RGS6: variants seen among roughly 807,000 people sequenced by gnomAD.
The protein encoded by RGS6 is regulator of G-protein signaling 6.
A neutral mutation model predicts 78.5 loss-of-function variants in RGS6; 30 were observed. The ratio of observed to expected loss-of-function variants is 0.38; its 90% CI spans 0.29 to 0.52. The LOEUF (loss-of-function observed/expected upper bound fraction) is 0.52. Among genes scored for constraint, RGS6 ranks in the 20% least tolerant of loss-of-function variants. RGS6 has a pLI of 0.85. For missense variants in RGS6, 495 were observed against 609.7 expected (o/e 0.81, Z 1.98); for synonymous variants, 206 against 206.0 (o/e 1.00, Z 0.00).
intron 2 of RGS6, among the ~76,000 whole-genome samples, chr14:72,325,139 G>A (rs2073356987): frequency 6.6e-6 from 1 of 152,182 alleles, no homozygotes. Context: ...TGTGTTGGCT[G>A]CATAAATGTC....
intron 2 of RGS6, among the ~76,000 whole-genome samples, chr14:71,999,432 G>C (rs11158927): frequency 0.23 from 35,740 of 152,164 alleles, 4,780 homozygotes; most frequent in African/African-American, 0.38. Context: ...TCAGAAGTAT[G>C]ATGGTGAAAG....
chr14:72,019,339 T>C (rs2087836630), intron 2 of RGS6, among the ~76,000 whole-genome samples: 1 of 152,254 alleles, frequency 6.6e-6, no homozygotes, highest in African/African-American at 2.4e-5. Flanking sequence ...AATATATTTT[T>C]ACACATTAGT....
the RGS6 span, among the ~76,000 whole-genome samples, chr14:71,897,575 C>A: frequency 6.6e-6 from 1 of 152,078 alleles, no homozygotes; most frequent in East Asian, 1.9e-4. Flanking sequence ...GGCTGGAGTG[C>A]AGTGGCACGA....
downstream of RGS6, among the ~76,000 whole-genome samples, chr14:72,567,547 G>A (rs548725400): frequency 9.9e-5 from 15 of 152,168 alleles, no homozygotes; most frequent in Non-Finnish European, 1.6e-4. Context: ...AAGCTGTGCC[G>A]GTCCAAGAAT....
chr14:72,045,258 A>G (rs1045002512), intron 2 of RGS6, among the ~76,000 whole-genome samples: 1 of 152,214 alleles, frequency 6.6e-6, no homozygotes, highest in African/African-American at 2.4e-5. Flanking sequence ...TGGTTTGATT[A>G]TTACTTTGCC....
chr14:72,336,263 G>A (rs2076009056), intron 2 of RGS6, among the ~76,000 whole-genome samples: 1 of 152,096 alleles, frequency 6.6e-6, no homozygotes, highest in Non-Finnish European at 1.5e-5. Context: ...CTCTAATCAT[G>A]CCACTTCTCA....
At position 72,541,113 on chromosome 14, in the gene RGS6, G is replaced by GA. The variant is rs139400155; in HGVS notation, c.1422+1019_1422+1020insA. 2,856 of 1,363,376 alleles carry GA rather than the reference G, an allele frequency of 2.1e-3. 32 individuals are homozygous for GA. In the African/African-American group the frequency reaches 0.031, roughly 15 times the overall value. The allele number at this position is 1,363,376 out of a possible 1,614,324, so 84.5% of individuals were successfully genotyped here. ...TCAAACCAGAGGGAACCAGGGAGCA[G>GA]GGTCCCATGCAGGGAGCTGGCCACA... On this transcript the variant is annotated intron_variant, in intron 17 of 17. Coordinates refer to ENST00000553525, the MANE Select transcript of RGS6 (RefSeq NM_001204424.2).
intron 2 of RGS6, among the ~76,000 whole-genome samples, chr14:72,309,573 T>C (rs1485134344): frequency 6.6e-6 from 1 of 152,258 alleles, no homozygotes; most frequent in Non-Finnish European, 1.5e-5. Context: ...AACTTTCCTT[T>C]ACCTAATCCT....
chr14:72,002,352 C>T (rs904652374), intron 2 of RGS6, among the ~76,000 whole-genome samples: 1 of 152,160 alleles, frequency 6.6e-6, no homozygotes, highest in Non-Finnish European at 1.5e-5. Context: ...TCAGATTTTC[C>T]AGCTGCAGAT....
the RGS6 span, among the ~76,000 whole-genome samples, chr14:71,915,827 G>A: frequency 6.6e-6 from 1 of 152,260 alleles, no homozygotes; most frequent in African/African-American, 2.4e-5. Flanking sequence ...TTAGAATGAC[G>A]TTGTTAGGAT....
intron 2 of RGS6, among the ~76,000 whole-genome samples, chr14:72,178,813 G>C (rs1189284114): frequency 6.6e-6 from 1 of 152,138 alleles, no homozygotes; most frequent in Non-Finnish European, 1.5e-5. Flanking sequence ...AAAGGGGAAA[G>C]GTCTTCCTAA....
intron 12 of RGS6, among the ~76,000 whole-genome samples, chr14:72,491,311 G>A (rs534760403): frequency 2.7e-5 from 4 of 150,698 alleles, no homozygotes; most frequent in African/African-American, 4.9e-5. Flanking sequence ...TGTGAACAAC[G>A]GTGTTCTACC....
chr14:72,317,568 T>G (rs1398348740), intron 2 of RGS6, among the ~76,000 whole-genome samples: 4 of 152,288 alleles, frequency 2.6e-5, no homozygotes, highest in Non-Finnish European at 4.4e-5. Flanking sequence ...GGCTCGAAGG[T>G]CAATACTTGA....
intron 3 of RGS6, among the ~76,000 whole-genome samples, chr14:72,408,438 C>A (rs1459136868): frequency 6.6e-6 from 1 of 152,150 alleles, no homozygotes; most frequent in Non-Finnish European, 1.5e-5. Context: ...TGTTCTCAGT[C>A]CTGTAGGTAA....
intron 5 of RGS6, among the ~76,000 whole-genome samples, chr14:72,458,606 C>G (rs564302655): frequency 1.8e-4 from 27 of 152,186 alleles, no homozygotes; most frequent in Non-Finnish European, 3.2e-4. Flanking sequence ...GCCTTAGTCC[C>G]TTGGGCTGCT....
chr14:72,499,643 A>G (rs187026035), intron 13 of RGS6, among the ~76,000 whole-genome samples: 25 of 151,710 alleles, frequency 1.6e-4, no homozygotes, highest in Non-Finnish European at 3.7e-4. Flanking sequence ...TACTGTGTTT[A>G]GTTTTTTTGG....
chr14:71,998,289 T>G (rs2082762018), intron 2 of RGS6, among the ~76,000 whole-genome samples: 1 of 152,178 alleles, frequency 6.6e-6, no homozygotes, highest in Non-Finnish European at 1.5e-5. Context: ...GAGGGATGAC[T>G]TTGACTAGAA....
intron 8 of RGS6, among the ~76,000 whole-genome samples, chr14:72,472,269 C>G (rs2096103230): frequency 6.6e-6 from 1 of 152,066 alleles, no homozygotes; most frequent in Non-Finnish European, 1.5e-5. Flanking sequence ...TTCCCTCTTG[C>G]AATTTGTGCC....
intron 1 of RGS6, among the ~76,000 whole-genome samples, chr14:71,950,142 CA>C (rs1338111368): frequency 6.6e-6 from 1 of 152,142 alleles, no homozygotes; most frequent in Non-Finnish European, 1.5e-5. Context: ...TTCTAAAGAA[CA>C]AAGCTGGAGG....
Sources: allele counts gnomAD v4.1 joint callset (sites outside exome capture counted in the v4.1 genomes callset), GRCh38; gene constraint gnomAD v4.1.1; transcripts MANE v1.5; gene names NCBI Gene and HGNC (gene_info 2026-07-23, HGNC 2026-07-21).